Variants in NEBL observed in about 807,000 individuals in gnomAD.
The protein encoded by NEBL is LIM and SH3 protein 2.
Under a neutral mutation model 140.2 loss-of-function variants are expected in NEBL, and 122 were observed. That is an observed-to-expected ratio of 0.87 (90% confidence interval 0.75 to 1.01). The LOEUF (loss-of-function observed/expected upper bound fraction) is 1.01, where lower values mean the gene tolerates loss of function less well. Ranked by LOEUF, NEBL falls within the 50% of genes least tolerant of loss-of-function variation. The pLI is 0.00. For missense variants in NEBL, 1,365 were observed against 1,231.3 expected (o/e 1.11, Z -1.62); for synonymous variants, 436 against 398.9 (o/e 1.09, Z -1.11).
At chr10:20,880,654 G>A (rs897633083) in intron 5 of NEBL, 140 bp downstream of exon 5, 10 of 718,212 alleles carry the variant, frequency 1.4e-5, no homozygotes, top group South Asian at 1.4e-4. Context: ...TAATTCAGAT[G>A]TACCTCTGAC....
At chr10:20,861,649 C>T (rs936165152) in intron 7 of NEBL, among the ~76,000 whole-genome samples, 2 of 152,206 alleles carry the variant, frequency 1.3e-5, no homozygotes, top group Non-Finnish European at 2.9e-5. Context: ...GATTCATTAA[C>T]ACTGTATTAG....
intron 4 of NEBL, among the ~76,000 whole-genome samples, chr10:20,930,639 A>G (rs1834137971): frequency 6.6e-6 from 1 of 151,970 alleles, no homozygotes; most frequent in Non-Finnish European, 1.5e-5. Context: ...ATGACACACC[A>G]TCCTCCTTTT....
chr10:20,933,703 C>A (rs1834321717), intron 4 of NEBL, among the ~76,000 whole-genome samples: 1 of 152,188 alleles, frequency 6.6e-6, no homozygotes, highest in Admixed American at 6.5e-5. Flanking sequence ...CATTGCATTG[C>A]ATCCAGATTG....
chr10:21,292,191 A>ATTTTT (rs1338766135), intron 1 of NEBL, among the ~76,000 whole-genome samples: 9 of 152,320 alleles, frequency 5.9e-5, no homozygotes, highest in African/African-American at 2.2e-4. Context: ...AAAACTGCTA[A>ATTTTT]TTTAAGGCTC....
At chr10:20,930,176 T>A in intron 4 of NEBL, among the ~76,000 whole-genome samples, 1 of 152,170 alleles carries the variant, frequency 6.6e-6, no homozygotes, top group East Asian at 1.9e-4. Flanking sequence ...CTTTAATTTA[T>A]CCCTTCCCTA....
chr10:21,244,415 C>T (rs557917747), intron 3 of NEBL, among the ~76,000 whole-genome samples: 32 of 151,796 alleles, frequency 2.1e-4, no homozygotes, highest in Middle Eastern at 3.4e-3. Context: ...ACCTTGGAAG[C>T]CTGAGGCAGG....
In NEBL at chr10:21,055,971, G is replaced by A. The variant is rs369551975; in HGVS notation, c.165-35770C>T. On this transcript the variant is annotated intron_variant, in intron 2 of 6. Coordinates refer to the NEBL transcript ENST00000417816. ...GGGCAAATGCTTTGTTTGTCCTGAG[G>A]CTTTAGTTGTCTCTGGGAGGTTCAT... Among the ~76,000 whole-genome samples, 160 of 152,288 alleles carry A rather than the reference G, an allele frequency of 1.1e-3. 6 individuals carry two copies. In the South Asian group the frequency reaches 0.031, roughly 30 times the overall value.
chr10:20,812,515 A>C (rs1838261137), intron 24 of NEBL, among the ~76,000 whole-genome samples: 1 of 144,402 alleles, frequency 6.9e-6, no homozygotes, highest in Non-Finnish European at 1.5e-5. Context: ...ACAAGGAGGA[A>C]CATTCTTAAA....
chr10:21,126,949 T>C (rs906668544), intron 2 of NEBL, among the ~76,000 whole-genome samples: 1 of 127,750 alleles, frequency 7.8e-6, no homozygotes, highest in Non-Finnish European at 1.6e-5. Flanking sequence ...CACTCCAGCC[T>C]GGGTGACAGA....
chr10:21,139,987 C>CAA lies in NEBL; in HGVS notation c.164+32394_164+32395dup, dbSNP rs11289396. The stretch of plus-strand genomic sequence containing the variant: ...CCAACATGTTGAAACCCTGTCTCAA[C>CAA]AAAAAAAAAAAAAAAAAAAATACAA... On this transcript the variant is annotated intron_variant, in intron 2 of 6. Transcript: ENST00000417816. Among the ~76,000 whole-genome samples, 158 of 99,646 alleles carry CAA rather than the reference C, an allele frequency of 1.6e-3. 1 individual carries two copies. The highest frequency in any genetic ancestry group is 8.8e-3 in the East Asian group (35 of 3,966). The allele number at this position is 99,646 out of a possible 152,430, so 65.4% of individuals were successfully genotyped here.
chr10:21,291,592 A>G (rs1228196746), intron 1 of NEBL, among the ~76,000 whole-genome samples: 2 of 151,516 alleles, frequency 1.3e-5, no homozygotes, highest in African/African-American at 4.8e-5. Context: ...TTGACACCAA[A>G]ATTGGGTCAT....
upstream of NEBL, among the ~76,000 whole-genome samples, chr10:21,175,252 T>G (rs1309869857): frequency 6.6e-6 from 1 of 152,192 alleles, no homozygotes; most frequent in Non-Finnish European, 1.5e-5. Flanking sequence ...TTCTTTAATC[T>G]ACAAAATGGG....
intron 3 of NEBL, among the ~76,000 whole-genome samples, chr10:20,986,344 T>C (rs1837258005): frequency 6.6e-6 from 1 of 152,212 alleles, no homozygotes; most frequent in East Asian, 1.9e-4. Context: ...AAATGTCACA[T>C]ATCTCATTGA....
intron 3 of NEBL, among the ~76,000 whole-genome samples, chr10:20,993,964 A>G (rs1020100772): frequency 3.3e-5 from 5 of 152,208 alleles, no homozygotes; most frequent in Non-Finnish European, 7.3e-5. Context: ...TTACTCATAA[A>G]GGTCAGACCA....
chr10:20,992,445 T>C (rs1047152599), intron 3 of NEBL, among the ~76,000 whole-genome samples: 1 of 152,192 alleles, frequency 6.6e-6, no homozygotes, highest in Non-Finnish European at 1.5e-5. Context: ...GCAGGCACCA[T>C]GCAGAATTCC....
At chr10:21,035,446 G>A (rs1308151830) in intron 2 of NEBL, among the ~76,000 whole-genome samples, 1 of 152,052 alleles carries the variant, frequency 6.6e-6, no homozygotes, top group Non-Finnish European at 1.5e-5. Flanking sequence ...CCTCTTCCAA[G>A]CAACTCAATA....
chr10:20,853,610 A>C (rs1370192615), intron 9 of NEBL, among the ~76,000 whole-genome samples: 1 of 152,138 alleles, frequency 6.6e-6, no homozygotes, highest in African/African-American at 2.4e-5. Flanking sequence ...TAAAATAGTG[A>C]GACCCCAGTT....
rs372720124 is a variant in NEBL at position 20,902,883 on chromosome 10, G to T, written c.357+58789C>A. Among the ~76,000 whole-genome samples, 14 of 152,282 alleles carry T rather than the reference G, an allele frequency of 9.2e-5. No homozygotes were observed. In the South Asian group the frequency reaches 2.7e-3, roughly 29 times the overall value. On this transcript the variant is annotated intron_variant, in intron 4 of 6. Coordinates refer to the NEBL transcript ENST00000417816. ...CCTTTCCTAGAGTTTTATGTGAGAT[G>T]TGTCAGGAATAATTGTGAAAGACTT...
chr10:20,806,495 T>C (rs568142290), intron 26 of NEBL, among the ~76,000 whole-genome samples: 4 of 152,298 alleles, frequency 2.6e-5, no homozygotes, highest in South Asian at 4.1e-4. Flanking sequence ...AGCATTCACA[T>C]CTCTACTCAA....
Sources: allele counts gnomAD v4.1 joint callset (sites outside exome capture counted in the v4.1 genomes callset), GRCh38; gene constraint gnomAD v4.1.1; transcripts MANE v1.5; gene names NCBI Gene and HGNC (gene_info 2026-07-23, HGNC 2026-07-21).